The following CA8 variants were observed in gnomAD, a reference collection of about 807,000 sequenced individuals.
CA8 encodes the protein carbonic anhydrase-related protein.
Under a neutral mutation model 41.4 loss-of-function variants are expected in CA8, and 22 were observed. That is an observed-to-expected ratio of 0.53 (90% confidence interval 0.38 to 0.76). CA8 has a LOEUF of 0.76. Ranked by LOEUF, CA8 falls within the 30% of genes least tolerant of loss-of-function variation. The probability of loss-of-function intolerance (pLI) is 0.00; values close to 1 mark genes in which losing one functional copy is unlikely to be tolerated. For synonymous variants in CA8, 121 were observed against 130.6 expected (o/e 0.93, Z 0.50); for missense variants, 270 against 352.8 (o/e 0.77, Z 1.88).
chr8:60,264,748 A>T (rs2130593053), intron 3 of CA8: 1 of 152,368 alleles, frequency 6.6e-6, no homozygotes, highest in East Asian at 1.9e-4. Context: ...TTAAAACATG[A>T]ACATTTCACT....
In CA8 at chr8:60,243,627, G is replaced by A. The variant is rs775275479; in HGVS notation, c.418-11248C>T. On this transcript the variant is annotated intron_variant, in intron 3 of 8. Transcript: ENST00000317995. ...CGTCTACGGCCATACCACCCTGAAC[G>A]CGCCCGATCTCGTCTGAAACTTCTC... Among the ~76,000 whole-genome samples the A allele has an allele frequency of 8.6e-5, 13 of 151,964 alleles. No individual in the cohort carries two copies. The East Asian group carries it at 1.7e-3, about 20-fold the overall frequency.
intron 3 of CA8, among the ~76,000 whole-genome samples, chr8:60,234,233 A>G (rs1407374694): frequency 2.0e-5 from 3 of 152,212 alleles, no homozygotes; most frequent in African/African-American, 7.2e-5. Context: ...GTACTCCTCA[A>G]AACGGTCAAG....
Position 60,224,594 on chromosome 8 carries a change from G to GA in CA8, c.577-10dup, listed in dbSNP as rs748902608. ...ATTGTTTTGGACTTCCCCTGAAAAAGAAAAAAATATTTACCCAATGTTAAT... is the reference window on the plus strand; with the variant it reads ...ATTGTTTTGGACTTCCCCTGAAAAAGAAAAAAAATATTTACCCAATGTTAAT... On this transcript the variant is annotated splice_polypyrimidine_tract_variant and intron_variant, in intron 5 of 8. Coordinates refer to ENST00000317995, the MANE Select transcript of CA8 (RefSeq NM_004056.6). 6.7e-6 allele frequency: 10 copies of GA among 1,493,618 alleles called. No homozygotes were observed. The highest frequency in any genetic ancestry group is 2.3e-5 in the East Asian group (1 of 44,160). The allele number at this position is 1,493,618 out of a possible 1,614,324, so 92.5% of individuals were successfully genotyped here.
At chr8:60,230,558 G>A (rs1429489893) in intron 4 of CA8, among the ~76,000 whole-genome samples, 1 of 148,074 alleles carries the variant, frequency 6.8e-6, no homozygotes, top group African/African-American at 2.5e-5. Context: ...CGACCCCCCC[G>A]ATGGATTTCA....
At chr8:60,221,011 A>G (rs988540483) in intron 7 of CA8, among the ~76,000 whole-genome samples, 1 of 152,188 alleles carries the variant, frequency 6.6e-6, no homozygotes, top group African/African-American at 2.4e-5. Context: ...AGAAACACAC[A>G]TGTTGAATTT....
chr8:60,269,434 T>C (rs2130608008), intron 2 of CA8, among the ~76,000 whole-genome samples: 1 of 152,274 alleles, frequency 6.6e-6, no homozygotes, highest in South Asian at 2.1e-4. Flanking sequence ...AAAAGGAACT[T>C]GTGAAAAGAA....
At position 60,279,769 on chromosome 8, in the gene CA8, G is replaced by A. The variant is rs773560890; in HGVS notation, c.212C>T (p.Ser71Phe). 12 of 1,614,164 alleles carry A rather than the reference G, an allele frequency of 7.4e-6. No homozygotes were observed. In the South Asian group the frequency reaches 1.3e-4, roughly 18 times the overall value. Reference protein sequence around the residue: ...YDPSLLDVRLSPNYVVCRDCE... With the variant: ...YDPSLLDVRLFPNYVVCRDCE... ...GTCTCGGCACACCACATAATTTGGG[G>A]AGAGGCGGACATCCAACAGCGAGGG... The change falls in exon 2 of 9, where the codon TCC (serine) becomes TTC (phenylalanine). Residue 71 changes from serine to phenylalanine, a missense_variant. Physicochemically the swap from Ser to Phe is radical, Grantham distance 155. Coordinates refer to ENST00000317995, the MANE Select transcript of CA8 (RefSeq NM_004056.6).
chr8:60,264,509 C>T (rs1377528639), intron 3 of CA8, among the ~76,000 whole-genome samples: 1 of 152,128 alleles, frequency 6.6e-6, no homozygotes, highest in Non-Finnish European at 1.5e-5. Context: ...TGAATTTTTC[C>T]TTGTCAGGTT....
At chr8:60,240,380 G>A (rs1309233939) in intron 3 of CA8, among the ~76,000 whole-genome samples, 1 of 152,204 alleles carries the variant, frequency 6.6e-6, no homozygotes, top group Non-Finnish European at 1.5e-5. Flanking sequence ...TATAAGGTAG[G>A]CAGGATTATC....
At chr8:60,228,603 G>A (rs891445583) in intron 4 of CA8, among the ~76,000 whole-genome samples, 12 of 152,208 alleles carry the variant, frequency 7.9e-5, no homozygotes, top group African/African-American at 2.9e-4. Context: ...CCTTAAGCAA[G>A]TGTAGTTAAC....
At chr8:60,256,441 G>A (rs568318977) in intron 3 of CA8, among the ~76,000 whole-genome samples, 1 of 152,292 alleles carries the variant, frequency 6.6e-6, no homozygotes, top group African/African-American at 2.4e-5. Flanking sequence ...CTCACGGTAT[G>A]TTGTTCTAGG....
chr8:60,194,796 A>G (rs1257738311), intron 8 of CA8, among the ~76,000 whole-genome samples: 3 of 152,068 alleles, frequency 2.0e-5, no homozygotes, highest in African/African-American at 7.2e-5. Flanking sequence ...CCAGCTTCCA[A>G]AGTATTGTGG....
At chr8:60,249,972 G>A (rs1808390379) in intron 3 of CA8, among the ~76,000 whole-genome samples, 1 of 152,164 alleles carries the variant, frequency 6.6e-6, no homozygotes, top group Admixed American at 6.5e-5. Flanking sequence ...CAAAGTGGGA[G>A]CATATAATAG....
intron 2 of CA8, among the ~76,000 whole-genome samples, chr8:60,274,674 G>A (rs892662290): frequency 5.3e-5 from 8 of 152,242 alleles, no homozygotes; most frequent in African/African-American, 1.7e-4. Context: ...ATGTGAGGAC[G>A]TAGCACCGAA....
Position 60,222,775 on chromosome 8 carries a change from T to G in CA8, c.626-14A>C, listed in dbSNP as rs1412033055. On this transcript the variant is annotated splice_polypyrimidine_tract_variant and intron_variant, in intron 6 of 8. Transcript: ENST00000317995. ...GCAGCAGAGGGTCTGCACAGCCACG[T>G]GGACATGTAATGGAAAAGGCAAGTG... 6.6e-7 allele frequency: 1 copy of G among 1,522,610 alleles called. No homozygotes were observed. The highest frequency in any genetic ancestry group is 1.4e-5 in the African/African-American group (1 of 73,272). The allele number at this position is 1,522,610 out of a possible 1,614,324, so 94.3% of individuals were successfully genotyped here.
At chr8:60,249,825 T>A (rs926128937) in intron 3 of CA8, among the ~76,000 whole-genome samples, 2 of 152,216 alleles carry the variant, frequency 1.3e-5, no homozygotes, top group Non-Finnish European at 2.9e-5. Context: ...CACATCAATA[T>A]TTCCTAATAA....
intron 7 of CA8, among the ~76,000 whole-genome samples, chr8:60,213,771 T>C (rs1806921912): frequency 6.6e-6 from 1 of 152,198 alleles, no homozygotes; most frequent in Non-Finnish European, 1.5e-5. Flanking sequence ...TTTGACTTTT[T>C]TTTTTTTTTA....
At position 60,191,911 on chromosome 8, in the gene CA8, T is replaced by C. The variant is rs545251181; in HGVS notation, c.*36-1926A>G. On this transcript the variant is annotated intron_variant, in intron 8 of 8. Coordinates refer to ENST00000317995, the MANE Select transcript of CA8 (RefSeq NM_004056.6). ...GATGCACATACATGTTGGTGTCCTA[T>C]TCATTTTTGAAGCTCTCAGGGCATG... 1.7e-4 allele frequency among the ~76,000 whole-genome samples: 26 copies of C among 152,258 alleles called. 1 individual carries two copies. The highest frequency in any genetic ancestry group is 4.6e-4 in the Admixed American group (7 of 15,288).
chr8:60,215,159 A>G (rs2130442893), intron 7 of CA8, among the ~76,000 whole-genome samples: 1 of 152,290 alleles, frequency 6.6e-6, no homozygotes, highest in South Asian at 2.1e-4. Context: ...TGAAATCAGA[A>G]TATGTCTTAA....
Sources: allele counts gnomAD v4.1 joint callset (sites outside exome capture counted in the v4.1 genomes callset), GRCh38; gene constraint gnomAD v4.1.1; transcripts MANE v1.5; gene names NCBI Gene and HGNC (gene_info 2026-07-23, HGNC 2026-07-21).